DNAH11: variants seen among roughly 807,000 people sequenced by gnomAD.
DNAH11 encodes the protein dynein axonemal heavy chain 11, also known as axonemal beta dynein heavy chain 11.
In DNAH11, 442 loss-of-function variants were observed where a neutral mutation model predicts 526.0. That is an observed-to-expected ratio of 0.84 (90% CI 0.78 to 0.91). The LOEUF (loss-of-function observed/expected upper bound fraction) is 0.91, where lower values mean the gene tolerates loss of function less well. DNAH11 is among the 40% of genes least tolerant of loss of function. DNAH11 has a pLI of 0.00. For missense variants in DNAH11, 6,989 were observed against 5,448.7 expected (o/e 1.28, Z -8.90); for synonymous variants, 2,461 against 1,935.9 (o/e 1.27, Z -7.12).
intron 17 of DNAH11, 72 bp from the exon 18 acceptor site, chr7:21,601,324 C>G: frequency 6.8e-7 from 1 of 1,468,314 alleles, no homozygotes; most frequent in Non-Finnish European, 9.2e-7. Context: ...AAGATTCAAT[C>G]AGAAGTCTTA....
rs371405144 is a variant in DNAH11 at position 21,616,463 on chromosome 7, C to G, written c.4095+171C>G. On this transcript the variant is annotated intron_variant, in intron 22 of 81. Transcript: ENST00000409508. ...TTAGCCAGTTGCACTTCTAATCAAG[C>G]CTGTCTTTCTGTGAGTGAGTTGATA... Among the ~76,000 whole-genome samples, 39 of 152,084 alleles carry G rather than the reference C, an allele frequency of 2.6e-4. No homozygotes were observed. In the East Asian group the frequency reaches 2.9e-3, roughly 11 times the overall value.
chr7:21,707,961 G>C, intron 40 of DNAH11, 126 bp downstream of exon 40: 1 of 968,288 alleles, frequency 1.0e-6, no homozygotes, highest in East Asian at 2.7e-5. Flanking sequence ...TGGAAATATA[G>C]CAGATCACAA....
At chr7:21,632,230 C>T (rs1008787541) in intron 25 of DNAH11, among the ~76,000 whole-genome samples, 3 of 152,182 alleles carry the variant, frequency 2.0e-5, no homozygotes, top group African/African-American at 7.2e-5. Context: ...CCCAGGAAAC[C>T]CCTTTTTCCT....
chr7:21,727,797 A>G (rs1785195433), intron 45 of DNAH11, among the ~76,000 whole-genome samples: 1 of 152,238 alleles, frequency 6.6e-6, no homozygotes, highest in Non-Finnish European at 1.5e-5. Flanking sequence ...ACCAAAGACC[A>G]GGTGGCACAA....
At chr7:21,866,395 A>G in intron 70 of DNAH11, 75 bp from the exon 71 acceptor site, 2 of 1,383,628 alleles carry the variant, frequency 1.4e-6, no homozygotes, top group Admixed American at 2.2e-5. Flanking sequence ...AAGATTAGAT[A>G]CATTCACAAG....
chr7:21,826,876 G>T (rs1173349749), intron 65 of DNAH11, among the ~76,000 whole-genome samples: 1 of 151,968 alleles, frequency 6.6e-6, no homozygotes, highest in Non-Finnish European at 1.5e-5. Flanking sequence ...TGGGGGAGTT[G>T]TTGTTGTTGT....
At chr7:21,557,393 C>G (rs532495058) in intron 2 of DNAH11, among the ~76,000 whole-genome samples, 1 of 152,228 alleles carries the variant, frequency 6.6e-6, no homozygotes, top group African/African-American at 2.4e-5. Flanking sequence ...ATTTATTTCT[C>G]ACAGTTCTGG....
At chr7:21,697,228 T>C (rs1783895139) in intron 35 of DNAH11, among the ~76,000 whole-genome samples, 1 of 152,148 alleles carries the variant, frequency 6.6e-6, no homozygotes, top group South Asian at 2.1e-4. Context: ...GAGTGGAATT[T>C]TTTCAAACGT....
rs190505985 is a variant in DNAH11, at chr7:21,668,263, A to G, written c.5328+9232A>G. Among the ~76,000 whole-genome samples the G allele has an allele frequency of 2.0e-5, 3 of 152,076 alleles. No homozygotes were observed. The East Asian group carries it at 5.8e-4, about 29-fold the overall frequency. On this transcript the variant is annotated intron_variant, in intron 30 of 81. Coordinates refer to ENST00000409508, the MANE Select transcript of DNAH11 (RefSeq NM_001277115.2). The stretch of plus-strand genomic sequence containing the variant: ...TTGTTCCAGATATATTTTTATAGTG[A>G]ACATTCTTGAAAATAGAGATAGTAT...
intron 65 of DNAH11, among the ~76,000 whole-genome samples, chr7:21,827,872 A>G (rs2128006730): frequency 6.6e-6 from 1 of 152,290 alleles, no homozygotes; most frequent in South Asian, 2.1e-4. Flanking sequence ...GATTTAAGAT[A>G]GAAACATGTT....
chr7:21,592,452 T>A (rs1351824875), intron 14 of DNAH11, among the ~76,000 whole-genome samples: 5 of 152,066 alleles, frequency 3.3e-5, no homozygotes, highest in Admixed American at 1.3e-4. Flanking sequence ...AGATCAGAAT[T>A]TGCAAGGGGA....
intron 30 of DNAH11, among the ~76,000 whole-genome samples, chr7:21,668,460 C>T (rs1429745601): frequency 6.6e-6 from 1 of 152,094 alleles, no homozygotes; most frequent in Admixed American, 6.6e-5. Context: ...TTTGAATATC[C>T]TTTGAAAGTT....
chr7:21,669,423 G>A (rs928719633), intron 30 of DNAH11, among the ~76,000 whole-genome samples: 27 of 152,006 alleles, frequency 1.8e-4, no homozygotes, highest in South Asian at 6.2e-4. Flanking sequence ...CTCCTGCCTC[G>A]GCCTCCCAAA....
intron 14 of DNAH11, among the ~76,000 whole-genome samples, chr7:21,593,491 G>A (rs2128444447): frequency 6.6e-6 from 1 of 152,308 alleles, no homozygotes; most frequent in East Asian, 1.9e-4. Flanking sequence ...TTTAATAGTG[G>A]TTGATGTTTC....
At chr7:21,574,463 A>G (rs1343058606) in intron 8 of DNAH11, among the ~76,000 whole-genome samples, 1 of 151,986 alleles carries the variant, frequency 6.6e-6, no homozygotes, top group African/African-American at 2.4e-5. Context: ...ATTACCTGAG[A>G]TTATAGTTTC....
At chr7:21,648,900 C>G (rs1249164345) in intron 28 of DNAH11, among the ~76,000 whole-genome samples, 1 of 151,848 alleles carries the variant, frequency 6.6e-6, no homozygotes, top group Non-Finnish European at 1.5e-5. Flanking sequence ...TCCTGAATAC[C>G]TTGATATTAT....
chr7:21,696,620 G>C (rs1017423360), intron 35 of DNAH11, among the ~76,000 whole-genome samples: 1 of 152,084 alleles, frequency 6.6e-6, no homozygotes, highest in Admixed American at 6.5e-5. Context: ...ATTTGAAATT[G>C]TCTTGTGAAT....
At chr7:21,550,965 T>G (rs2128427541) in intron 2 of DNAH11, among the ~76,000 whole-genome samples, 1 of 152,310 alleles carries the variant, frequency 6.6e-6, no homozygotes, top group Admixed American at 6.5e-5. Flanking sequence ...ATCACCTTTT[T>G]GTTTGTCTTT....
At chr7:21,697,144 G>A (rs904073011) in intron 35 of DNAH11, among the ~76,000 whole-genome samples, 2 of 152,126 alleles carry the variant, frequency 1.3e-5, no homozygotes, top group Non-Finnish European at 1.5e-5. Context: ...GGTATTATTG[G>A]AATGTATACT....
Sources: gnomAD v4.1 joint callset for allele counts (sites outside exome capture counted in the v4.1 genomes callset) on GRCh38, gnomAD v4.1.1 for gene constraint, MANE v1.5 for transcripts, NCBI Gene and HGNC (gene_info 2026-07-23, HGNC 2026-07-21) for gene names.